The following GNAQ variants were observed in gnomAD, a reference collection of about 807,000 sequenced individuals.
GNAQ encodes the protein guanine nucleotide-binding protein G(q) subunit alpha.
In GNAQ, 8 loss-of-function variants were observed where a neutral mutation model predicts 43.9. The ratio of observed to expected loss-of-function variants is 0.18; its 90% CI spans 0.11 to 0.33. GNAQ has a LOEUF of 0.33. Among genes scored for constraint, GNAQ ranks in the 10% least tolerant of loss-of-function variants. The pLI is 1.00. For synonymous variants in GNAQ, 155 were observed against 170.7 expected, an observed-to-expected ratio of 0.91 and a Z score of 0.71; for missense variants, 158 against 450.8, an observed-to-expected ratio of 0.35 and a Z score of 5.88.
Position 77,725,579 on chromosome 9 carries a change from TAA to T in GNAQ, c.889+2933_889+2934del, listed in dbSNP as rs55766160. On this transcript the variant is annotated intron_variant, in intron 6 of 6. Transcript: ENST00000286548. Reference sequence around the variant, plus strand: ...TATGTATACTGGGGTAAGGTAACAGTAAAAAAAAAAAAAAAAAAAAAAAAAAG... The same window carrying T: ...TATGTATACTGGGGTAAGGTAACAGTAAAAAAAAAAAAAAAAAAAAAAAAG... 8.7e-3 allele frequency among the ~76,000 whole-genome samples: 497 copies of T among 57,126 alleles called. 4 individuals carry two copies. Among genetic ancestry groups the T allele is most frequent in the Middle Eastern group, 0.024 (2 of 84 alleles). 37.5% of individuals were successfully genotyped at this position (57,126 alleles called of 152,430 possible).
chr9:77,833,880 C>G (rs1189843844), intron 2 of GNAQ, among the ~76,000 whole-genome samples: 1 of 152,128 alleles, frequency 6.6e-6, no homozygotes, highest in African/African-American at 2.4e-5. Context: ...CTTGGCTATT[C>G]TGGAAAAAAT....
At position 77,860,261 on chromosome 9, in the gene GNAQ, C is replaced by T. The variant is rs1827823263; in HGVS notation, c.322-44491G>A. ...AAGGTAGCTCATTAGTGCTTGGTTT[C>T]TCTGTGCTCTCTTAGTCCTGTTCAG... On this transcript the variant is annotated intron_variant, in intron 2 of 6. Coordinates refer to ENST00000286548, the MANE Select transcript of GNAQ (RefSeq NM_002072.5). Among the ~76,000 whole-genome samples the T allele has an allele frequency of 2.0e-5, 3 of 152,194 alleles. No individual in the cohort carries two copies. In the South Asian group the frequency reaches 6.2e-4, roughly 32 times the overall value.
At chr9:77,806,225 T>C (rs372711731) in intron 3 of GNAQ, among the ~76,000 whole-genome samples, 13 of 152,272 alleles carry the variant, frequency 8.5e-5, no homozygotes, top group East Asian at 3.8e-4. Context: ...TTATATATGA[T>C]AACTTTCCAA....
chr9:77,830,845 AC>A, intron 2 of GNAQ, among the ~76,000 whole-genome samples: 1 of 152,236 alleles, frequency 6.6e-6, no homozygotes, highest in Non-Finnish European at 1.5e-5. Flanking sequence ...TACCACACAC[AC>A]ACACACACAC....
intron 2 of GNAQ, among the ~76,000 whole-genome samples, chr9:77,856,097 T>C (rs1303263521): frequency 6.6e-6 from 1 of 152,192 alleles, no homozygotes; most frequent in African/African-American, 2.4e-5. Flanking sequence ...TATTTTGGCA[T>C]GGGTAGTGCT....
intron 1 of GNAQ, among the ~76,000 whole-genome samples, chr9:77,950,074 C>G (rs1385281385): frequency 6.6e-6 from 1 of 152,118 alleles, no homozygotes; most frequent in Non-Finnish European, 1.5e-5. Context: ...CTTCTCTTAT[C>G]AAAAAACTTA....
intron 3 of GNAQ, among the ~76,000 whole-genome samples, chr9:77,811,010 G>A (rs577711301): frequency 2.0e-5 from 3 of 152,116 alleles, no homozygotes; most frequent in Admixed American, 6.6e-5. Flanking sequence ...TTTTTAAGTC[G>A]CTTGCACTGA....
intron 2 of GNAQ, among the ~76,000 whole-genome samples, chr9:77,840,716 A>G (rs1827476471): frequency 6.6e-6 from 1 of 152,244 alleles, no homozygotes; most frequent in African/African-American, 2.4e-5. Context: ...AAAGAAAAAA[A>G]GAATAAATGA....
At chr9:77,873,455 A>G (rs1490106328) in intron 2 of GNAQ, among the ~76,000 whole-genome samples, 1 of 152,242 alleles carries the variant, frequency 6.6e-6, no homozygotes, top group African/African-American at 2.4e-5. Flanking sequence ...ATGAAAGCAT[A>G]TATAGGAATC....
chr9:77,836,270 A>G (rs1001885620), intron 2 of GNAQ, among the ~76,000 whole-genome samples: 1 of 152,092 alleles, frequency 6.6e-6, no homozygotes, highest in Admixed American at 6.5e-5. Context: ...TCCAATTCCA[A>G]GAAAACCCAA....
At chr9:77,984,043 G>T (rs1823401271) in intron 1 of GNAQ, among the ~76,000 whole-genome samples, 1 of 76,570 alleles carries the variant, frequency 1.3e-5, no homozygotes. Context: ...GTAGAATTTT[G>T]GAGAGCAAAA....
intron 5 of GNAQ, among the ~76,000 whole-genome samples, chr9:77,776,281 T>G (rs927464880): frequency 1.4e-4 from 21 of 152,084 alleles, no homozygotes; most frequent in African/African-American, 5.1e-4. Context: ...CGTTAGTCAA[T>G]AGACAGAGAT....
intron 1 of GNAQ, among the ~76,000 whole-genome samples, chr9:78,029,512 C>T (rs1223515702): frequency 2.6e-5 from 4 of 152,260 alleles, no homozygotes; most frequent in Non-Finnish European, 5.9e-5. Flanking sequence ...TTTGCCTCCT[C>T]CCTGGCTTCA....
At chr9:77,865,892 G>A (rs967544063) in intron 2 of GNAQ, among the ~76,000 whole-genome samples, 2 of 152,218 alleles carry the variant, frequency 1.3e-5, no homozygotes, top group African/African-American at 2.4e-5. Context: ...CTTTCACTGA[G>A]TCAATGGTTA....
chr9:77,775,213 C>A (rs1320538070), intron 5 of GNAQ, among the ~76,000 whole-genome samples: 3 of 152,098 alleles, frequency 2.0e-5, no homozygotes, highest in African/African-American at 4.8e-5. Flanking sequence ...TCATTGTTAA[C>A]AACTTTGAGC....
chr9:77,827,015 C>T (rs1005420493), intron 2 of GNAQ, among the ~76,000 whole-genome samples: 4 of 152,082 alleles, frequency 2.6e-5, no homozygotes, highest in African/African-American at 9.7e-5. Flanking sequence ...AAGAAAATGC[C>T]ATTTTAAATT....
intron 2 of GNAQ, among the ~76,000 whole-genome samples, chr9:77,826,500 T>C (rs573859682): frequency 2.4e-4 from 37 of 152,356 alleles, no homozygotes; most frequent in African/African-American, 8.7e-4. Flanking sequence ...CCCTAGATGC[T>C]TGTGTTATGA....
rs1828461622 is a variant in GNAQ, at chr9:77,894,368, T to TTAATAGAAAATATATA, written c.321+27792_321+27793insTATATATTTTCTATTA. On this transcript the variant is annotated intron_variant, in intron 2 of 6. Transcript: ENST00000286548. ...TATATTTAATAGAAAATATATATAT[T>TTAATAGAAAATATATA]ATATATATATTTAATAGAAAAAAAA... is the stretch of plus-strand genomic sequence containing the variant. Among the ~76,000 whole-genome samples the TTAATAGAAAATATATA allele has an allele frequency of 4.8e-4, 5 of 10,338 alleles. 1 individual carries two copies. Among genetic ancestry groups the TTAATAGAAAATATATA allele is most frequent in the African/African-American group, 1.4e-3 (5 of 3,500 alleles). The allele number at this position is 10,338 out of a possible 152,430, so 6.8% of individuals were successfully genotyped here. A position where few individuals can be genotyped will look rare whatever the true frequency, so the allele number is the denominator to read the frequency against.
intron 3 of GNAQ, among the ~76,000 whole-genome samples, chr9:77,813,112 A>G (rs1405744631): frequency 6.6e-6 from 1 of 151,866 alleles, no homozygotes. Flanking sequence ...ACAGGGTTTC[A>G]CCTGTCTATT....
Sources: gnomAD v4.1 joint callset for allele counts (sites outside exome capture counted in the v4.1 genomes callset) on GRCh38, gnomAD v4.1.1 for gene constraint, MANE v1.5 for transcripts, NCBI Gene and HGNC (gene_info 2026-07-23, HGNC 2026-07-21) for gene names.